The following NFIC variants were observed in gnomAD, a reference collection of about 807,000 sequenced individuals.
NFIC encodes nuclear factor 1 C-type.
In NFIC, 12 loss-of-function variants were observed where a neutral mutation model predicts 54.4. That is an observed-to-expected ratio of 0.22 (90% CI 0.14 to 0.36). The LOEUF (loss-of-function observed/expected upper bound fraction) is 0.36. Among genes scored for constraint, NFIC ranks in the 10% least tolerant of loss-of-function variants. The pLI is 1.00. For synonymous variants in NFIC, 322 were observed against 319.2 expected, an observed-to-expected ratio of 1.01 and a Z score of -0.09; for missense variants, 575 against 718.2, an observed-to-expected ratio of 0.80 and a Z score of 2.28.
intron 6 of NFIC, among the ~76,000 whole-genome samples, chr19:3,439,940 G>A (rs541192152): frequency 1.1e-4 from 17 of 151,988 alleles, no homozygotes; most frequent in South Asian, 2.1e-4. Context: ...TGCCCGCCTC[G>A]GCCTCCCAAA....
upstream of NFIC, among the ~76,000 whole-genome samples, chr19:3,361,562 C>G (rs12978421): frequency 0.12 from 17,720 of 146,552 alleles, 1,106 homozygotes; most frequent in African/African-American, 0.14. Flanking sequence ...CCAGGCTGGT[C>G]TCTCTCGCTT....
intron 6 of NFIC, among the ~76,000 whole-genome samples, chr19:3,444,569 G>A (rs555957886): frequency 2.0e-5 from 3 of 152,182 alleles, no homozygotes; most frequent in Admixed American, 6.5e-5. Context: ...ATTCTTTCTC[G>A]CGGTGCCTGA....
chr19:3,369,858 C>T lies in NFIC; in HGVS notation c.30+3192C>T, dbSNP rs896071981. On this transcript the variant is annotated intron_variant, in intron 1 of 10. Coordinates refer to ENST00000443272, the MANE Select transcript of NFIC (RefSeq NM_001245002.2). This position sits in a 1 kb window ranked among gnomAD's most constrained non-coding sequence, Gnocchi z 4.3. ...CCCCGAGCCACCTCCATCCCGCCAC[C>T]GGGTCCCTGTCTCATTCGTTCGTTG... is the stretch of plus-strand genomic sequence containing the variant. 2.6e-5 allele frequency among the ~76,000 whole-genome samples: 4 copies of T among 152,216 alleles called. No individual in the cohort carries two copies. Among genetic ancestry groups the T allele is most frequent in the Admixed American group, 6.5e-5 (1 of 15,284 alleles).
intron 1 of NFIC, chr19:3,371,701 T>C (rs1229231604): frequency 1.3e-5 from 2 of 152,130 alleles, no homozygotes; most frequent in East Asian, 1.9e-4. Context: ...AGTAATTGCA[T>C]TGAACACCCC....
chr19:3,419,681 C>T (rs191577333), intron 2 of NFIC, among the ~76,000 whole-genome samples: 1 of 151,814 alleles, frequency 6.6e-6, no homozygotes, highest in South Asian at 2.1e-4. Flanking sequence ...CACCTGTAAT[C>T]TCAGCTACTT....
intron 9 of NFIC, among the ~76,000 whole-genome samples, chr19:3,455,321 C>T (rs1217010138): frequency 6.6e-6 from 1 of 151,818 alleles, no homozygotes; most frequent in African/African-American, 2.4e-5. Context: ...GGGATTATGC[C>T]CAGAGCCTGG....
At chr19:3,433,852 C>T (rs919875529) in intron 4 of NFIC, among the ~76,000 whole-genome samples, 1 of 152,174 alleles carries the variant, frequency 6.6e-6, no homozygotes, top group Non-Finnish European at 1.5e-5. Context: ...CTCCTCCTCC[C>T]TGGGGCCTCC....
At chr19:3,374,820 G>C (rs34629182) in intron 1 of NFIC, among the ~76,000 whole-genome samples, 1 of 152,116 alleles carries the variant, frequency 6.6e-6, no homozygotes, top group Non-Finnish European at 1.5e-5. Flanking sequence ...AGTGACAACC[G>C]GCCAACCAGG....
intron 1 of NFIC, among the ~76,000 whole-genome samples, chr19:3,379,921 G>T (rs2081173137): frequency 6.6e-6 from 1 of 151,380 alleles, no homozygotes; most frequent in Admixed American, 6.6e-5. Context: ...GGCTCAAGCA[G>T]TCCACCCACT....
In NFIC at chr19:3,370,419, G is replaced by C. The variant is rs550839997; in HGVS notation, c.30+3753G>C. 6.6e-6 allele frequency among the ~76,000 whole-genome samples: 1 copy of C among 151,846 alleles called. No individual in the cohort carries two copies. Among genetic ancestry groups the C allele is most frequent in the Non-Finnish European group, 1.5e-5 (1 of 67,954 alleles). Reference sequence around the variant, plus strand: ...CTCTCTGCGGCGGAGGTGCCTCTGCGCGCCAGGGCCAAGCGCCCTGTAAAT... The same window carrying C: ...CTCTCTGCGGCGGAGGTGCCTCTGCCCGCCAGGGCCAAGCGCCCTGTAAAT... On this transcript the variant is annotated intron_variant, in intron 1 of 10. Transcript: ENST00000443272. The surrounding 1 kb of genome is among the most constrained non-coding windows in gnomAD (Gnocchi z 5.2).
intron 1 of NFIC, among the ~76,000 whole-genome samples, chr19:3,361,407 C>G (rs1431953308): frequency 1.3e-5 from 2 of 152,160 alleles, no homozygotes; most frequent in Non-Finnish European, 2.9e-5. Context: ...CCCGCAGTCC[C>G]GCCTCCAGCA....
chr19:3,446,591 G>A (rs2145667075), intron 6 of NFIC, among the ~76,000 whole-genome samples: 1 of 152,320 alleles, frequency 6.6e-6, no homozygotes, highest in Middle Eastern at 3.4e-3. Flanking sequence ...CAGTAGATAT[G>A]TTTTACCTTA....
chr19:3,454,439 TG>T (rs962500428), intron 9 of NFIC: 4 of 190,846 alleles, frequency 2.1e-5, no homozygotes, highest in Admixed American at 2.0e-4. Context: ...CACCTTTAGA[TG>T]GGACTCTCTT....
chr19:3,406,806 CG>C (rs2081656855), intron 2 of NFIC, among the ~76,000 whole-genome samples: 1 of 152,096 alleles, frequency 6.6e-6, no homozygotes, highest in Admixed American at 6.6e-5. Flanking sequence ...GATTCTGTGC[CG>C]GGAGCTGTGG....
chr19:3,434,252 C>T, intron 4 of NFIC, 25 bp from the exon 5 acceptor site: 2 of 1,598,666 alleles, frequency 1.3e-6, no homozygotes, highest in Middle Eastern at 1.7e-4. Context: ...CTTCCTGCCT[C>T]ACTCTCCTCT....
chr19:3,395,650 C>G (rs546407904), intron 2 of NFIC, among the ~76,000 whole-genome samples: 15 of 152,038 alleles, frequency 9.9e-5, no homozygotes, highest in African/African-American at 3.6e-4. Context: ...GCGTGCACCA[C>G]TACGCCTGGC....
intron 1 of NFIC, among the ~76,000 whole-genome samples, chr19:3,368,864 G>A (rs1369286177): frequency 6.6e-6 from 1 of 150,856 alleles, no homozygotes; most frequent in Non-Finnish European, 1.5e-5. Context: ...CTCTCATCTT[G>A]GTCTCTTTTT....
intron 6 of NFIC, among the ~76,000 whole-genome samples, chr19:3,436,337 T>C (rs2082203973): frequency 9.4e-6 from 1 of 105,866 alleles, no homozygotes; most frequent in South Asian, 3.0e-4. Flanking sequence ...TTTTTTTTTT[T>C]GGTAGAGATG....
intron 2 of NFIC, among the ~76,000 whole-genome samples, chr19:3,399,319 G>C (rs984323786): frequency 6.6e-6 from 1 of 151,166 alleles, no homozygotes; most frequent in East Asian, 1.9e-4. Flanking sequence ...GCTCACACCT[G>C]TAATCCCAGC....
Sources: gnomAD v4.1 joint callset for allele counts (sites outside exome capture counted in the v4.1 genomes callset) on GRCh38, gnomAD v4.1.1 for gene constraint, Gnocchi (gnomAD v3.1) non-coding constraint, MANE v1.5 for transcripts, NCBI Gene and HGNC (gene_info 2026-07-23, HGNC 2026-07-21) for gene names.